The following PCDHGA7 variants were observed in gnomAD, a reference collection of about 807,000 sequenced individuals.
PCDHGA7 encodes protocadherin gamma subfamily A, 7, also known as protocadherin gamma-A7.
In PCDHGA7, 44 loss-of-function variants were observed where a neutral mutation model predicts 58.3. That is an observed-to-expected ratio of 0.75 (90% CI 0.59 to 0.97). PCDHGA7 has a LOEUF of 0.97. Ranked by LOEUF, PCDHGA7 falls within the 50% of genes least tolerant of loss-of-function variation. PCDHGA7 has a pLI of 0.00. For synonymous variants in PCDHGA7, 516 were observed against 504.2 expected, an observed-to-expected ratio of 1.02 and a Z score of -0.31; for missense variants, 1,266 against 1,188.7, an observed-to-expected ratio of 1.06 and a Z score of -0.96.
chr5:141,405,056 T>A (rs770920034), intron 1 of PCDHGA7: 8 of 1,613,836 alleles, frequency 5.0e-6, no homozygotes, highest in Non-Finnish European at 6.8e-6. Context: ...AGTCGTCTCC[T>A]GTGTCTTCCT....
chr5:141,389,524 G>A, intron 1 of PCDHGA7: 5 of 1,613,146 alleles, frequency 3.1e-6, no homozygotes, highest in South Asian at 1.1e-5. Context: ...GTGAGCCTGC[G>A]CGTGTTAGTG....
chr5:141,492,396 A>G (rs1400291073), intron 1 of PCDHGA7, among the ~76,000 whole-genome samples: 1 of 152,188 alleles, frequency 6.6e-6, no homozygotes, highest in Non-Finnish European at 1.5e-5. Flanking sequence ...GTCCACTCGC[A>G]GCTCCCCTCT....
At chr5:141,404,565 G>C in intron 1 of PCDHGA7, 2 of 1,613,910 alleles carry the variant, frequency 1.2e-6, no homozygotes. Flanking sequence ...AGTGACAGTG[G>C]AAGCCCACCA....
intron 1 of PCDHGA7, among the ~76,000 whole-genome samples, chr5:141,457,440 A>C (rs188608086): frequency 1.3e-5 from 2 of 152,334 alleles, no homozygotes; most frequent in African/African-American, 4.8e-5. Flanking sequence ...ACCAAGCTGC[A>C]GAAGATCACC....
intron 1 of PCDHGA7, chr5:141,419,399 G>T (rs893535249): frequency 6.2e-7 from 1 of 1,613,470 alleles, no homozygotes. Context: ...GAGCGGGGTG[G>T]TGTTCGCGCA....
intron 1 of PCDHGA7, chr5:141,387,914 G>A (rs1379719736): frequency 1.5e-5 from 22 of 1,487,626 alleles, no homozygotes; most frequent in Non-Finnish European, 1.8e-5. Context: ...AGCTGGGCCG[G>A]GCTGAGAGGC....
At chr5:141,475,892 G>A (rs1279219556) in intron 1 of PCDHGA7, 1 of 568,264 alleles carries the variant, frequency 1.8e-6, no homozygotes, top group Non-Finnish European at 3.1e-6. Context: ...GGGACTCTGT[G>A]TGCCGCTGTC....
At position 141,431,738 on chromosome 5, in the gene PCDHGA7, TA is replaced by T; in HGVS notation, c.2424+46416del. ...AGTGCAAGCAATGGATAATGCAGGA[TA>T]TTCTGCGCGAGCCAAAGTCCTGATC... On this transcript the variant is annotated intron_variant, in intron 1 of 3. Coordinates refer to ENST00000518325, the MANE Select transcript of PCDHGA7 (RefSeq NM_018920.4). The surrounding 1 kb of genome is among the most constrained non-coding windows in gnomAD (Gnocchi z 4.8). The T allele has an allele frequency of 6.2e-7, 1 of 1,614,234 alleles. No individual in the cohort carries two copies. Among genetic ancestry groups the T allele is most frequent in the South Asian group, 1.1e-5 (1 of 91,092 alleles).
At chr5:141,497,839 A>G (rs1399696596) in intron 2 of PCDHGA7, among the ~76,000 whole-genome samples, 1 of 152,044 alleles carries the variant, frequency 6.6e-6, no homozygotes, top group East Asian at 1.9e-4. Flanking sequence ...CCCGGCCACA[A>G]CAAACATTTT....
chr5:141,385,126 A>G lies in PCDHGA7; in HGVS notation c.2227A>G (p.Met743Val). The G allele has an allele frequency of 6.2e-7, 1 of 1,614,206 alleles. No individual in the cohort carries two copies. The highest frequency in any genetic ancestry group is 1.1e-5 in the South Asian group (1 of 91,090). The change falls in exon 1 of 4, where the codon ATG becomes GTG. Residue 743 changes from methionine to valine, a missense_variant. By Grantham distance (21) the Met-to-Val change is conservative. Coordinates refer to ENST00000518325, the MANE Select transcript of PCDHGA7 (RefSeq NM_018920.4). ...ANVPTSHFVG[M>V]DGVQAFLQTY... Reference sequence around the variant, plus strand: ...CGTGCCCACCTCGCACTTTGTGGGCATGGACGGGGTGCAGGCTTTCCTGCA... The same window carrying G: ...CGTGCCCACCTCGCACTTTGTGGGCGTGGACGGGGTGCAGGCTTTCCTGCA...
In PCDHGA7 at chr5:141,485,609, G is replaced by A. The variant is rs1432367043; in HGVS notation, c.2425-9198G>A. The A allele has an allele frequency of 6.2e-7, 1 of 1,612,252 alleles. No homozygotes were observed. Among genetic ancestry groups the A allele is most frequent in the Non-Finnish European group, 8.5e-7 (1 of 1,178,656 alleles). On this transcript the variant is annotated intron_variant, in intron 1 of 3. Transcript: ENST00000518325. This position sits in a 1 kb window ranked among gnomAD's most constrained non-coding sequence, Gnocchi z 5.7. ...GCTGGACTTGGAAATTGGGGAGGCA[G>A]CTCCTCCAGGACAGCGTTTCCCGTT...
rs763160633 is a variant in PCDHGA7 at position 141,418,261 on chromosome 5, G to A, written c.2424+32938G>A. 3 of 1,614,056 alleles carry A rather than the reference G, an allele frequency of 1.9e-6. No homozygotes were observed. In the South Asian group the frequency reaches 3.3e-5, roughly 18 times the overall value. Reference sequence around the variant, plus strand: ...TTAATGACCACGCCCCTCAATTCCGGAAAGATGAAATAAACTTAGAAATCA... The same window carrying A: ...TTAATGACCACGCCCCTCAATTCCGAAAAGATGAAATAAACTTAGAAATCA... On this transcript the variant is annotated intron_variant, in intron 1 of 3. Coordinates refer to ENST00000518325, the MANE Select transcript of PCDHGA7 (RefSeq NM_018920.4).
In PCDHGA7 at chr5:141,427,233, G is replaced by A. The variant is rs147039909; in HGVS notation, c.2424+41910G>A. On this transcript the variant is annotated intron_variant, in intron 1 of 3. Transcript: ENST00000518325. Reference sequence around the variant, plus strand: ...ATTTCGTAGCAGTTATACCATGAGAGTAGAAGCTAAGGATGGTGGAGGCAT... The same window carrying A: ...ATTTCGTAGCAGTTATACCATGAGAATAGAAGCTAAGGATGGTGGAGGCAT... 180 of 456,756 alleles carry A rather than the reference G, an allele frequency of 3.9e-4. 1 individual carries two copies. The highest frequency in any genetic ancestry group is 3.5e-3 in the African/African-American group (176 of 50,196). The allele number at this position is 456,756 out of a possible 1,614,324, so 28.3% of individuals were successfully genotyped here.
At chr5:141,400,279 G>C (rs1561676065) in intron 1 of PCDHGA7, 1 of 1,614,050 alleles carries the variant, frequency 6.2e-7, no homozygotes, top group African/African-American at 1.3e-5. Context: ...CTCCAGCCCT[G>C]CCGCCTGGAG....
chr5:141,413,815 C>T (rs1357769705), intron 1 of PCDHGA7: 11 of 1,613,224 alleles, frequency 6.8e-6, no homozygotes, highest in Non-Finnish European at 8.5e-6. Flanking sequence ...CATTCACCAC[C>T]TGGTCCTCAC....
At chr5:141,472,022 T>C (rs949257396) in intron 1 of PCDHGA7, among the ~76,000 whole-genome samples, 1 of 152,176 alleles carries the variant, frequency 6.6e-6, no homozygotes, top group Non-Finnish European at 1.5e-5. Flanking sequence ...CTATATTGTA[T>C]GTAGAAAGCT....
intron 1 of PCDHGA7, among the ~76,000 whole-genome samples, chr5:141,482,410 T>G (rs1054330181): frequency 2.3e-4 from 35 of 151,890 alleles, no homozygotes; most frequent in Non-Finnish European, 1.0e-4. Flanking sequence ...AATAACTATT[T>G]GTTGAACTAA....
Position 141,384,205 on chromosome 5 carries a change from A to T in PCDHGA7, c.1306A>T (p.Thr436Ser). Residue 436 changes from threonine to serine, a missense_variant, in exon 1 of 4, where the codon ACT becomes TCT. By Grantham distance (58) the Thr-to-Ser change is moderately conservative (BLOSUM62 1). Coordinates refer to ENST00000518325, the MANE Select transcript of PCDHGA7 (RefSeq NM_018920.4). ...TGGAACTCCTCCCTTGTCCAGGGAA[A>T]CTCACATATTCATGCAGGTGGCAGA... ...DGGTPPLSRE[T>S]HIFMQVADTN... The T allele has an allele frequency of 6.2e-7, 1 of 1,613,874 alleles. No individual in the cohort carries two copies. Among genetic ancestry groups the T allele is most frequent in the Non-Finnish European group, 8.5e-7 (1 of 1,179,878 alleles).
chr5:141,478,045 T>A, intron 1 of PCDHGA7: 1 of 1,614,144 alleles, frequency 6.2e-7, no homozygotes, highest in Non-Finnish European at 8.5e-7. Context: ...CCAGGCAGAC[T>A]CTCACGGTCT....
Sources: allele counts gnomAD v4.1 joint callset (sites outside exome capture counted in the v4.1 genomes callset), GRCh38; gene constraint gnomAD v4.1.1; non-coding constraint Gnocchi (gnomAD v3.1); transcripts MANE v1.5; gene names NCBI Gene and HGNC (gene_info 2026-07-23, HGNC 2026-07-21).